The following IRS4 variants were observed in gnomAD, a reference collection of about 807,000 sequenced individuals.
The protein encoded by IRS4 is insulin receptor substrate 4.
IRS4 carries 15 observed loss-of-function variants against 48.6 expected under a neutral mutation model. The ratio of observed to expected loss-of-function variants is 0.31; its 90% confidence interval spans 0.21 to 0.48. The LOEUF (loss-of-function observed/expected upper bound fraction) is 0.48. IRS4 is among the 20% of genes least tolerant of loss of function. IRS4 has a pLI of 0.99. For missense variants in IRS4, 987 were observed against 1,023.4 expected, an observed-to-expected ratio of 0.96 and a Z score of 0.49; for synonymous variants, 459 against 413.2, an observed-to-expected ratio of 1.11 and a Z score of -1.34.
In IRS4 at chrX:108,735,899, G is replaced by A. The variant is rs1309797744; in HGVS notation, c.446C>T (p.Thr149Ile). The change falls in exon 1 of 2, where the codon ACC (threonine) becomes ATC (isoleucine). Residue 149 changes from threonine to isoleucine, a missense_variant. Physicochemically the swap from Thr to Ile is moderately conservative, Grantham distance 89. Transcript: ENST00000372129. Reference protein sequence around the residue: ...PPLIPPRRVITLYQCFSVSQR... With the variant: ...PPLIPPRRVIILYQCFSVSQR... Reference sequence around the variant, plus strand: ...GCTCACGGAAAAGCACTGGTATAGGGTGATCACGCGCCGCGGTGGAATGAG... The same window carrying A: ...GCTCACGGAAAAGCACTGGTATAGGATGATCACGCGCCGCGGTGGAATGAG... The A allele has an allele frequency of 8.3e-7, 1 of 1,207,079 alleles. No homozygotes were observed. The highest frequency in any genetic ancestry group is 1.8e-5 in the African/African-American group (1 of 56,647).
At chrX:108,725,579 G>GT (rs1258392650) in intron 1 of IRS4, among the ~76,000 whole-genome samples, 2 of 110,538 alleles carry the variant, frequency 1.8e-5, no homozygotes, top group African/African-American at 3.3e-5. Context: ...GTATATGTAG[G>GT]TTTTTTTGTT....
At position 108,733,318 on chromosome X, in the gene IRS4, A is replaced by G. The variant is rs1479677951; in HGVS notation, c.3027T>C (p.Ala1009=). The change falls in exon 1 of 2, where the codon GCT becomes GCC. Residue 1009 remains alanine (A), a synonymous_variant. Transcript: ENST00000372129. ...PLPLSATGSN[A]IEEEGDYIEV... ...CAATGTAGTCACCCTCTTCCTCAATAGCATTGCTACCTGTAGCACTGAGGG... is the reference window on the plus strand; with the variant it reads ...CAATGTAGTCACCCTCTTCCTCAATGGCATTGCTACCTGTAGCACTGAGGG... The G allele has an allele frequency of 1.7e-6, 2 of 1,211,258 alleles. No individual in the cohort carries two copies.
Position 108,721,852 on chromosome X carries a change from T to G in IRS4, c.*667A>C, listed in dbSNP as rs1189750441. 1.8e-5 allele frequency: 2 copies of G among 112,129 alleles called. No individual in the cohort carries two copies. The highest frequency in any genetic ancestry group is 6.5e-5 in the African/African-American group (2 of 30,910). The allele number at this position is 112,129 out of a possible 1,213,427, so 9.2% of individuals were successfully genotyped here. A position where few individuals can be genotyped will look rare whatever the true frequency, so the allele number is the denominator to read the frequency against. On this transcript the variant is annotated 3_prime_UTR_variant, in exon 2 of 2. Transcript: ENST00000372129. ...TGTTGGAAATGCTCAATCAAGATATTAGTTTCATTGACATATAACATGAGC... is the reference window on the plus strand; with the variant it reads ...TGTTGGAAATGCTCAATCAAGATATGAGTTTCATTGACATATAACATGAGC...
rs1030133699 is a variant in IRS4 at position 108,734,932 on chromosome X, T to C, written c.1413A>G (p.Glu471=). ...GATCTTCTTTGCCCTGGGGATTGCCTTCCTCCCCAAAGTTGCCAGAGCCAG... is the reference window on the plus strand; with the variant it reads ...GATCTTCTTTGCCCTGGGGATTGCCCTCCTCCCCAAAGTTGCCAGAGCCAG... ...SGSGSGNFGE[E]GNPQGKEDQE... Residue 471 remains glutamate, a synonymous_variant, in exon 1 of 2, where the codon GAA becomes GAG. Coordinates refer to ENST00000372129, the MANE Select transcript of IRS4 (RefSeq NM_001379150.1). 3 of 1,210,302 alleles carry C rather than the reference T, an allele frequency of 2.5e-6. No homozygotes were observed. Among genetic ancestry groups the C allele is most frequent in the Admixed American group, 2.2e-5 (1 of 45,837 alleles).
Position 108,735,256 on chromosome X carries a change from C to T in IRS4, c.1089G>A (p.Leu363=). 8.3e-7 allele frequency: 1 copy of T among 1,211,898 alleles called. No homozygotes were observed. Among genetic ancestry groups the T allele is most frequent in the Non-Finnish European group, 1.1e-6 (1 of 895,587 alleles). Residue 363 remains leucine (L), a synonymous_variant, in exon 1 of 2, where the codon TTG becomes TTA. Transcript: ENST00000372129. ...TLLSARRHLG[L]VPLEPGGWLR... Reference sequence around the variant, plus strand: ...GCCAGCCTCCCGGCTCGAGCGGCACCAAGCCCAGGTGCCTCCTAGCGGACA... The same window carrying T: ...GCCAGCCTCCCGGCTCGAGCGGCACTAAGCCCAGGTGCCTCCTAGCGGACA...
In IRS4 at chrX:108,734,990, T is replaced by C. The variant is rs1569511216; in HGVS notation, c.1355A>G (p.Asn452Ser). 2 of 1,211,721 alleles carry C rather than the reference T, an allele frequency of 1.7e-6. No individual in the cohort carries two copies. The highest frequency in any genetic ancestry group is 3.0e-5 in the East Asian group (1 of 33,837). Residue 452 changes from asparagine to serine, a missense_variant, in exon 1 of 2, where the codon AAT (asparagine) becomes AGT (serine). Coordinates refer to ENST00000372129, the MANE Select transcript of IRS4 (RefSeq NM_001379150.1). ...RPRHPAEAPN[N>S]GARLSSEVSG... is the part of the protein sequence containing the mutation. The stretch of plus-strand genomic sequence containing the variant: ...CACTTCAGAAGACAGGCGAGCTCCA[T>C]TGTTCGGGGCTTCTGCAGGGTGCCG...
Position 108,722,531 on chromosome X carries a change from A to G in IRS4, c.3767-8T>C, listed in dbSNP as rs1569510622. ...TGTGGCAATATAATCACTCTAGGAA[A>G]AAGATAATAAAACAAAAGTTACTTG... On this transcript the variant is annotated splice_polypyrimidine_tract_variant and splice_region_variant and intron_variant, in intron 1 of 1. Coordinates refer to ENST00000372129, the MANE Select transcript of IRS4 (RefSeq NM_001379150.1). 1.5e-5 allele frequency: 5 copies of G among 326,459 alleles called. No individual in the cohort carries two copies. Among genetic ancestry groups the G allele is most frequent in the Non-Finnish European group, 2.4e-5 (4 of 168,335 alleles). The allele number at this position is 326,459 out of a possible 1,213,427, so 26.9% of individuals were successfully genotyped here.
In IRS4 at chrX:108,735,280, C is replaced by T. The variant is rs1472361349; in HGVS notation, c.1065G>A (p.Leu355=). Reference sequence around the variant, plus strand: ...CCAAGCCCAGGTGCCTCCTAGCGGACAGCAGGGTTAACAGGTGGGCGCCGA... The same window carrying T: ...CCAAGCCCAGGTGCCTCCTAGCGGATAGCAGGGTTAACAGGTGGGCGCCGA... ...ISIGAHLLTL[L]SARRHLGLVP... is the part of the protein sequence containing the mutation. The change falls in exon 1 of 2, where the codon CTG becomes CTA. Residue 355 remains leucine, a synonymous_variant. Coordinates refer to ENST00000372129, the MANE Select transcript of IRS4 (RefSeq NM_001379150.1). The T allele has an allele frequency of 1.7e-6, 2 of 1,211,743 alleles. No individual in the cohort carries two copies. Among genetic ancestry groups the T allele is most frequent in the Non-Finnish European group, 2.2e-6 (2 of 895,554 alleles).
At chrX:108,727,456 G>C (rs947441598) in intron 1 of IRS4, among the ~76,000 whole-genome samples, 1 of 111,636 alleles carries the variant, frequency 9.0e-6, no homozygotes, top group African/African-American at 3.3e-5. Flanking sequence ...ATTTTTCTTG[G>C]CAATTTTATC....
chrX:108,733,444 T>C lies in IRS4; in HGVS notation c.2901A>G (p.Pro967=), dbSNP rs1569511045. The C allele has an allele frequency of 3.3e-6, 4 of 1,211,352 alleles. No individual in the cohort carries two copies. The Middle Eastern group carries it at 6.9e-4, about 209-fold the overall frequency. The stretch of plus-strand genomic sequence containing the variant: ...AGAGGTCGTTTGCTGGATTTGGAAA[T>C]GGCACTCCAAACTCAACATTCACAT... ...SNYVNVEFGV[P]FPNPANDLSD... is the part of the protein sequence containing the mutation. Residue 967 remains proline, a synonymous_variant, in exon 1 of 2, where the codon CCA becomes CCG. Coordinates refer to ENST00000372129, the MANE Select transcript of IRS4 (RefSeq NM_001379150.1).
At chrX:108,730,565 C>T (rs1333223204) in intron 1 of IRS4, among the ~76,000 whole-genome samples, 2 of 111,765 alleles carry the variant, frequency 1.8e-5, no homozygotes, top group Non-Finnish European at 3.8e-5. Context: ...CGCCTGCCTC[C>T]CTGTGAGATA....
rs745356850 is a variant in IRS4, at chrX:108,734,074, A to G, written c.2271T>C (p.Ser757=). 5.0e-6 allele frequency: 6 copies of G among 1,211,034 alleles called. No individual in the cohort carries two copies. The highest frequency in any genetic ancestry group is 3.5e-5 in the African/African-American group (2 of 57,477). Residue 757 remains serine (S), a synonymous_variant, in exon 1 of 2, where the codon AGT becomes AGC. Transcript: ENST00000372129. ...TATTAGTATCAGGTGCTTTTGGAGG[A>G]CTCGGAGCAGGTGGTGGGCTCACTC... ...FPRVSPPPAP[S]PPKAPDTNKE... is the part of the protein sequence containing the mutation.
Position 108,721,738 on chromosome X carries a change from T to G in IRS4, c.*781A>C, listed in dbSNP as rs895160406. On this transcript the variant is annotated 3_prime_UTR_variant, in exon 2 of 2. Transcript: ENST00000372129. ...AGGTTTCACAATAAATGAAAAATAA[T>G]AGGTTTGGAAATACTCAATCGATTT... 2 of 111,546 alleles carry G rather than the reference T, an allele frequency of 1.8e-5. No homozygotes were observed. The highest frequency in any genetic ancestry group is 6.5e-5 in the African/African-American group (2 of 30,711). 9.2% of individuals were successfully genotyped at this position (111,546 alleles called of 1,213,427 possible).
At position 108,733,071 on chromosome X, in the gene IRS4, A is replaced by G; in HGVS notation, c.3274T>C (p.Phe1092Leu). 1 of 1,211,428 alleles carries G rather than the reference A, an allele frequency of 8.3e-7. No individual in the cohort carries two copies. Among genetic ancestry groups the G allele is most frequent in the East Asian group, 3.0e-5 (1 of 33,832 alleles). Residue 1092 changes from phenylalanine (F) to leucine (L), a missense_variant, in exon 1 of 2, where the codon TTC becomes CTC. Coordinates refer to ENST00000372129, the MANE Select transcript of IRS4 (RefSeq NM_001379150.1). ...RRRPQSRSQS[F>L]FAAARAAVSA... is the part of the protein sequence containing the mutation. The stretch of plus-strand genomic sequence containing the variant: ...ACAGCGGCTCTGGCTGCTGCAAAGA[A>G]ACTTTGAGAACGGCTTTGTGGGCGT...
In IRS4 at chrX:108,735,218, C is replaced by T. The variant is rs759864957; in HGVS notation, c.1127G>A (p.Arg376His). The T allele has an allele frequency of 8.3e-7, 1 of 1,209,567 alleles. No individual in the cohort carries two copies. The highest frequency in any genetic ancestry group is 1.1e-6 in the Non-Finnish European group (1 of 895,206). ...CCTGAGGTGGCAAAACTGCTCAAAGCGGGACCTTCTGAGCCAGCCTCCCGG... is the reference window on the plus strand; with the variant it reads ...CCTGAGGTGGCAAAACTGCTCAAAGTGGGACCTTCTGAGCCAGCCTCCCGG... ...LEPGGWLRRS[R>H]FEQFCHLRAI... is the part of the protein sequence containing the mutation. The change falls in exon 1 of 2, where the codon CGC becomes CAC. Residue 376 changes from arginine (R) to histidine (H), a missense_variant. Transcript: ENST00000372129.
chrX:108,727,960 C>A (rs1418105195), intron 1 of IRS4, among the ~76,000 whole-genome samples: 1 of 112,056 alleles, frequency 8.9e-6, no homozygotes, highest in Non-Finnish European at 1.9e-5. Context: ...GATCAGAATA[C>A]CAAATTTTAT....
At chrX:108,731,407 T>G (rs1238329314) in intron 1 of IRS4, among the ~76,000 whole-genome samples, 1 of 111,609 alleles carries the variant, frequency 9.0e-6, no homozygotes, top group South Asian at 3.7e-4. Context: ...GTCCATCCCT[T>G]CCCTTCACTG....
At chrX:108,725,238 A>G (rs2068869213) in intron 1 of IRS4, among the ~76,000 whole-genome samples, 1 of 110,869 alleles carries the variant, frequency 9.0e-6, no homozygotes, top group Admixed American at 9.6e-5. Flanking sequence ...CTGCTCAGAG[A>G]AAGGTGAACC....
At position 108,734,882 on chromosome X, in the gene IRS4, A is replaced by T. The variant is rs373677981; in HGVS notation, c.1463T>A (p.Met488Lys). The change falls in exon 1 of 2, where the codon ATG (methionine) becomes AAG (lysine). Residue 488 changes from methionine (M) to lysine (K), a missense_variant. Met to Lys is a moderately conservative substitution (Grantham distance 95, BLOSUM62 -1). Around this residue, in one of 4 missense-constraint regions of IRS4, gnomAD observed 720 missense variants for 660.3 expected, o/e 1.09. Coordinates refer to ENST00000372129, the MANE Select transcript of IRS4 (RefSeq NM_001379150.1). ...TCCTGAGCCCCAATTGTTCATAGGC[A>T]TGTAGTCACCTCCGCTTCCTTCCTG... ...EDQEGSGGDYMPMNNWGSGNG... is the reference protein window; with the variant it reads ...EDQEGSGGDYKPMNNWGSGNG... 1.2e-5 allele frequency: 14 copies of T among 1,210,251 alleles called. No homozygotes were observed. In the African/African-American group the frequency reaches 1.2e-4, roughly 11 times the overall value.
Sources: allele counts gnomAD v4.1 joint callset (sites outside exome capture counted in the v4.1 genomes callset), GRCh38; gene constraint gnomAD v4.1.1; regional missense constraint gnomAD v4.1.1; transcripts MANE v1.5; gene names NCBI Gene and HGNC (gene_info 2026-07-23, HGNC 2026-07-21).